Variants in LYPLAL1 observed in about 807,000 individuals in gnomAD.
The protein encoded by LYPLAL1 is lysophospholipase-like protein 1.
A neutral mutation model predicts 19.7 loss-of-function variants in LYPLAL1; 23 were observed. That is an observed-to-expected ratio of 1.17 (90% CI 0.84 to 1.65). The LOEUF (loss-of-function observed/expected upper bound fraction) is 1.65. LYPLAL1 is among the 40% of genes most tolerant of loss of function. The pLI is 0.00. For missense variants in LYPLAL1, 355 were observed against 279.4 expected, an observed-to-expected ratio of 1.27 and a Z score of -1.93; for synonymous variants, 119 against 96.3, an observed-to-expected ratio of 1.24 and a Z score of -1.38.
intron 2 of LYPLAL1, among the ~76,000 whole-genome samples, chr1:219,190,661 C>T (rs758426759): frequency 1.6e-4 from 19 of 121,274 alleles, no homozygotes; most frequent in Non-Finnish European, 2.2e-4. Context: ...TACATAATAA[C>T]GTAATATCAA....
At chr1:219,238,118 TAA>T in the LYPLAL1 span, among the ~76,000 whole-genome samples, 1 of 131,004 alleles carries the variant, frequency 7.6e-6, no homozygotes, top group South Asian at 2.5e-4. Context: ...TTGGTGGATC[TAA>T]ACTTTTTTTT....
chr1:219,218,207 T>G, the LYPLAL1 span, among the ~76,000 whole-genome samples: 1 of 152,102 alleles, frequency 6.6e-6, no homozygotes. Flanking sequence ...GGAGGCAGAC[T>G]GGTTATAATT....
chr1:219,334,564 A>G, the LYPLAL1 span, among the ~76,000 whole-genome samples: 38 of 134,250 alleles, frequency 2.8e-4, no homozygotes, highest in Middle Eastern at 3.9e-3. Flanking sequence ...TGTGTGTTTA[A>G]TCTGCATTTG....
At chr1:219,192,213 C>T (rs911900205) in intron 2 of LYPLAL1, among the ~76,000 whole-genome samples, 5 of 151,668 alleles carry the variant, frequency 3.3e-5, no homozygotes, top group Non-Finnish European at 7.4e-5. Context: ...AAAGCATGTT[C>T]AGGTCTCACC....
the LYPLAL1 span, among the ~76,000 whole-genome samples, chr1:219,435,996 A>C: frequency 3.3e-5 from 5 of 152,076 alleles, no homozygotes; most frequent in Non-Finnish European, 5.9e-5. Context: ...CCTTGTCTAT[A>C]CTCCTTTTCA....
At chr1:219,354,090 A>G in the LYPLAL1 span, among the ~76,000 whole-genome samples, 1 of 152,228 alleles carries the variant, frequency 6.6e-6, no homozygotes, top group Non-Finnish European at 1.5e-5. Context: ...AAGAGAGAAG[A>G]GATGAATAGA....
intron 3 of LYPLAL1, among the ~76,000 whole-genome samples, chr1:219,208,656 A>G (rs190757759): frequency 3.3e-5 from 5 of 152,162 alleles, no homozygotes; most frequent in Non-Finnish European, 4.4e-5. Context: ...TGAAAATATG[A>G]TTATTGAAGA....
At chr1:219,372,692 G>A in the LYPLAL1 span, among the ~76,000 whole-genome samples, 1 of 152,070 alleles carries the variant, frequency 6.6e-6, no homozygotes, top group Non-Finnish European at 1.5e-5. Context: ...TTGAGCTCAG[G>A]AATTCAAGAC....
At chr1:219,442,027 G>C in the LYPLAL1 span, among the ~76,000 whole-genome samples, 1 of 152,172 alleles carries the variant, frequency 6.6e-6, no homozygotes, top group Admixed American at 6.6e-5. Flanking sequence ...CCCTGGGCAA[G>C]TAGGAACCTC....
chr1:219,258,192 A>G, the LYPLAL1 span, among the ~76,000 whole-genome samples: 3 of 152,084 alleles, frequency 2.0e-5, no homozygotes, highest in South Asian at 4.1e-4. Context: ...ATGTTTTACA[A>G]TCAGATTTCA....
At chr1:219,200,966 A>G (rs1239140783) in intron 3 of LYPLAL1, among the ~76,000 whole-genome samples, 1 of 152,250 alleles carries the variant, frequency 6.6e-6, no homozygotes, top group Non-Finnish European at 1.5e-5. Flanking sequence ...ATTTCATTTT[A>G]AAGCCAACGA....
the LYPLAL1 span, among the ~76,000 whole-genome samples, chr1:219,334,526 GGTGTGTGTGTGTGTGT>G: frequency 6.8e-6 from 1 of 147,250 alleles, no homozygotes; most frequent in South Asian, 2.2e-4. Flanking sequence ...AATGAAGAGG[GGTGTGTGTGTGTGTGT>G]GTGTGTGTGT....
At chr1:219,360,532 C>T in the LYPLAL1 span, among the ~76,000 whole-genome samples, 2 of 152,152 alleles carry the variant, frequency 1.3e-5, no homozygotes, top group African/African-American at 2.4e-5. Flanking sequence ...CATATTCCAA[C>T]TTGCAGAAAA....
chr1:219,211,682 T>G lies in LYPLAL1; in HGVS notation c.668T>G (p.Leu223Ter), dbSNP rs552301214. 1 of 1,612,126 alleles carries G rather than the reference T, an allele frequency of 6.2e-7. No individual in the cohort carries two copies. Among genetic ancestry groups the G allele is most frequent in the South Asian group, 1.1e-5 (1 of 90,740 alleles). ...LSKTELDILK[L>*]WILTKLPGEM... ...AAAACTGAGTTAGACATATTGAAGT[T>G]ATGGATTCTTACAAAGCTGCCAGGA... is the stretch of plus-strand genomic sequence containing the variant. Residue 223 changes from leucine to a stop codon, truncating the protein, a stop_gained, in exon 5 of 5, where the codon TTA becomes TGA. Coordinates refer to ENST00000366928, the MANE Select transcript of LYPLAL1 (RefSeq NM_138794.5). LOFTEE classifies it high-confidence loss of function.
At chr1:219,347,635 C>T in the LYPLAL1 span, among the ~76,000 whole-genome samples, 1 of 152,152 alleles carries the variant, frequency 6.6e-6, no homozygotes, top group Non-Finnish European at 1.5e-5. Context: ...CTGTGATCTA[C>T]AAAATATTTG....
At chr1:219,174,124 G>C (rs1655603641) in intron 1 of LYPLAL1, 143 bp downstream of exon 1, 1 of 1,466,216 alleles carries the variant, frequency 6.8e-7, no homozygotes, top group Non-Finnish European at 9.0e-7. Context: ...CCCGGCTGTA[G>C]ATGCACGGGC....
chr1:219,400,610 C>T, the LYPLAL1 span, among the ~76,000 whole-genome samples: 1 of 151,820 alleles, frequency 6.6e-6, no homozygotes, highest in Non-Finnish European at 1.5e-5. Context: ...ATTCTTGTAT[C>T]TAGCCTCTCG....
At chr1:219,444,779 C>G in the LYPLAL1 span, among the ~76,000 whole-genome samples, 28 of 152,202 alleles carry the variant, frequency 1.8e-4, no homozygotes, top group South Asian at 5.6e-3. Context: ...TAAACTAAGC[C>G]CCTGGAGATA....
the LYPLAL1 span, among the ~76,000 whole-genome samples, chr1:219,309,082 G>A: frequency 1.1e-4 from 17 of 152,328 alleles, no homozygotes; most frequent in East Asian, 3.1e-3. Flanking sequence ...TGACCTGGAT[G>A]TGAGACCTGG....
Sources: allele counts gnomAD v4.1 joint callset (sites outside exome capture counted in the v4.1 genomes callset), GRCh38; gene constraint gnomAD v4.1.1; transcripts MANE v1.5; gene names NCBI Gene and HGNC (gene_info 2026-07-23, HGNC 2026-07-21).